Variants in ARHGAP32 observed in about 807,000 individuals in gnomAD.
ARHGAP32 encodes Rho GTPase activating protein 32, also known as rho GTPase-activating protein 32.
A neutral mutation model predicts 186.5 loss-of-function variants in ARHGAP32; 51 were observed. That is an observed-to-expected ratio of 0.27 (90% confidence interval 0.22 to 0.35). The LOEUF is 0.35. Among genes scored for constraint, ARHGAP32 ranks in the 10% least tolerant of loss-of-function variants. The pLI is 1.00. For synonymous variants in ARHGAP32, 950 were observed against 964.3 expected (o/e 0.99, Z 0.27); for missense variants, 2,186 against 2,623.5 (o/e 0.83, Z 3.64).
chr11:128,968,867 T>C lies in ARHGAP32; in HGVS notation c.*40A>G. The C allele has an allele frequency of 7.3e-7, 1 of 1,367,194 alleles. No individual in the cohort carries two copies. Among genetic ancestry groups the C allele is most frequent in the Non-Finnish European group, 9.5e-7 (1 of 1,049,602 alleles). The allele number at this position is 1,367,194 out of a possible 1,614,324, so 84.7% of individuals were successfully genotyped here. On this transcript the variant is annotated 3_prime_UTR_variant, in exon 23 of 23. Coordinates refer to ENST00000682385, the MANE Select transcript of ARHGAP32 (RefSeq NM_001378024.1). ...TATTGAAAAAAATAGAACAGTCCAC[T>C]GTCCAGCAGAGGCTGCTTCAACTCT...
chr11:128,972,460 G>T lies in ARHGAP32; in HGVS notation c.4046C>A (p.Ser1349Tyr). ...ATATCTTCCCCTTCTTACCTTGTGGGAATTATTTAATCCTATATTGGTTGC... is the reference window on the plus strand; with the variant it reads ...ATATCTTCCCCTTCTTACCTTGTGGTAATTATTTAATCCTATATTGGTTGC... ...QAATNIGLNN[S>Y]HKVQGVVPVP... is the part of the protein sequence containing the mutation. Residue 1349 changes from serine to tyrosine, a missense_variant, in exon 22 of 23, where the codon TCC becomes TAC. Around this residue, in one of 5 missense-constraint regions of ARHGAP32, gnomAD observed 1,502 missense variants for 1,570.0 expected, o/e 0.96. Transcript: ENST00000682385. The T allele has an allele frequency of 6.6e-7, 1 of 1,510,836 alleles. No individual in the cohort carries two copies. Among genetic ancestry groups the T allele is most frequent in the South Asian group, 1.4e-5 (1 of 73,374 alleles). The allele number at this position is 1,510,836 out of a possible 1,614,324, so 93.6% of individuals were successfully genotyped here. A position where few individuals can be genotyped will look rare whatever the true frequency, so the allele number is the denominator to read the frequency against.
chr11:129,151,875 G>C (rs1943295502), intron 2 of ARHGAP32, among the ~76,000 whole-genome samples: 1 of 151,970 alleles, frequency 6.6e-6, no homozygotes, highest in Non-Finnish European at 1.5e-5. Flanking sequence ...TATCAGAGCT[G>C]AACTAAATGA....
chr11:129,033,330 A>G (rs958319790), intron 11 of ARHGAP32, among the ~76,000 whole-genome samples: 3 of 152,212 alleles, frequency 2.0e-5, no homozygotes, highest in Non-Finnish European at 4.4e-5. Flanking sequence ...ACTTCAATAG[A>G]TAATGCCAAT....
At position 128,981,648 on chromosome 11, in the gene ARHGAP32, C is replaced by T. The variant is rs532943559; in HGVS notation, c.1635-87G>A. The T allele has an allele frequency of 2.1e-6, 3 of 1,416,130 alleles. No individual in the cohort carries two copies. In the African/African-American group the frequency reaches 4.3e-5, roughly 20 times the overall value. The allele number at this position is 1,416,130 out of a possible 1,614,324, so 87.7% of individuals were successfully genotyped here. ...TTTAAACGTGTAAATCTCAGACAAA[C>T]AGAGGAAGAAATCATACTTTTACTG... On this transcript the variant is annotated intron_variant, in intron 16 of 22. Transcript: ENST00000682385.
rs2136096033 is a variant in ARHGAP32 at position 128,978,869 on chromosome 11, G to A, written c.2023C>T (p.Arg675Cys). The A allele has an allele frequency of 3.7e-6, 6 of 1,612,190 alleles. No homozygotes were observed. Among genetic ancestry groups the A allele is most frequent in the East Asian group, 2.2e-5 (1 of 44,658 alleles). ...KMKKSPVGSWRSFFNLGKSSS... is the reference protein window; with the variant it reads ...KMKKSPVGSWCSFFNLGKSSS... The stretch of plus-strand genomic sequence containing the variant: ...GATTTCCCCAAGTTGAAAAAGGAAC[G>A]CCAGCTACCCACAGGAGACTTTTTC... Residue 675 changes from arginine to cysteine, a missense_variant, in exon 19 of 23, where the codon CGT (arginine) becomes TGT (cysteine). This residue lies in a region of ARHGAP32 where 263 missense variants were observed against 323.5 expected (regional missense o/e 0.81). Transcript: ENST00000682385.
chr11:129,163,260 C>G (rs1379207513), intron 2 of ARHGAP32, among the ~76,000 whole-genome samples: 1 of 152,102 alleles, frequency 6.6e-6, no homozygotes, highest in Non-Finnish European at 1.5e-5. Flanking sequence ...TGAATGTTTC[C>G]ATTTTATTTT....
chr11:129,194,790 T>C (rs1944369934), upstream of ARHGAP32, among the ~76,000 whole-genome samples: 2 of 152,184 alleles, frequency 1.3e-5, no homozygotes, highest in African/African-American at 4.8e-5. Context: ...TTTTTCACTA[T>C]GTCATGCACA....
At chr11:129,166,360 TAA>T (rs1943641419) in intron 1 of ARHGAP32, among the ~76,000 whole-genome samples, 1 of 152,058 alleles carries the variant, frequency 6.6e-6, no homozygotes, top group South Asian at 2.1e-4. Context: ...AAACAAATGC[TAA>T]AAGTTTTCAA....
intron 6 of ARHGAP32, among the ~76,000 whole-genome samples, chr11:129,092,775 T>G (rs10488729): frequency 0.2 from 29,676 of 151,850 alleles, 3,091 homozygotes; most frequent in Non-Finnish European, 0.23. Context: ...TTCAGGTACA[T>G]GATTAATACT....
chr11:128,993,649 C>T (rs988420811), intron 12 of ARHGAP32, among the ~76,000 whole-genome samples: 1 of 151,206 alleles, frequency 6.6e-6, no homozygotes, highest in African/African-American at 2.4e-5. Flanking sequence ...TATATACACA[C>T]ATATGATATA....
chr11:129,205,537 A>G (rs1266984869), intron 1 of ARHGAP32, among the ~76,000 whole-genome samples: 1 of 152,158 alleles, frequency 6.6e-6, no homozygotes, highest in Admixed American at 6.6e-5. Flanking sequence ...CTTATTACCT[A>G]TGTGAACTTG....
At chr11:129,246,296 C>T (rs1010071363) in intron 1 of ARHGAP32, among the ~76,000 whole-genome samples, 6 of 151,968 alleles carry the variant, frequency 3.9e-5, no homozygotes, top group East Asian at 1.9e-4. Context: ...GCAGAACTAA[C>T]GAAAGGTCAA....
chr11:128,976,458 T>G, intron 20 of ARHGAP32, 105 bp downstream of exon 20: 1 of 900,022 alleles, frequency 1.1e-6, no homozygotes. Flanking sequence ...AGGAAATGAG[T>G]TAATAGCCTA....
Position 128,973,308 on chromosome 11 carries a change from C to T in ARHGAP32, c.3198G>A (p.Gln1066=). The part of the protein sequence containing the change: ...MLALALAESA[Q]QASTQSLKRP... ...TCTTCAATGACTGAGTTGAGGCTTG[C>T]TGTGCGGACTCAGCTAATGCTAGCG... Residue 1066 remains glutamine, a synonymous_variant, in exon 22 of 23, where the codon CAG becomes CAA. Transcript: ENST00000682385. The T allele has an allele frequency of 6.2e-7, 1 of 1,614,182 alleles. No homozygotes were observed. Among genetic ancestry groups the T allele is most frequent in the South Asian group, 1.1e-5 (1 of 91,072 alleles).
chr11:129,186,667 G>GA (rs1460104552), intron 1 of ARHGAP32, among the ~76,000 whole-genome samples: 1 of 152,030 alleles, frequency 6.6e-6, no homozygotes, highest in East Asian at 1.9e-4. Flanking sequence ...AACTCTATAG[G>GA]AAAAAATGTA....
chr11:129,180,057 A>C (rs1027303397), intron 1 of ARHGAP32, among the ~76,000 whole-genome samples: 5 of 152,168 alleles, frequency 3.3e-5, no homozygotes, highest in African/African-American at 1.2e-4. Flanking sequence ...TAGCAAGATC[A>C]CTGGTTTACA....
rs541599632 is a variant in ARHGAP32 at position 129,228,512 on chromosome 11, G to A, written c.-5+50634C>T. 3.9e-5 allele frequency among the ~76,000 whole-genome samples: 6 copies of A among 152,182 alleles called. No individual in the cohort carries two copies. The South Asian group carries it at 1.2e-3, about 32-fold the overall frequency. ...ACCCATTTAAAAGATAACAAAATTG[G>A]AATACCATGTAGCCATAAAAAGGAA... On this transcript the variant is annotated intron_variant, in intron 1 of 6. Transcript: ENST00000525234.
upstream of ARHGAP32, among the ~76,000 whole-genome samples, chr11:129,279,612 C>A (rs1293763577): frequency 6.8e-6 from 1 of 146,040 alleles, no homozygotes; most frequent in South Asian, 2.1e-4. Context: ...GCACCCGCGA[C>A]GCCCGCAGCG....
intron 6 of ARHGAP32, among the ~76,000 whole-genome samples, chr11:129,093,205 C>T (rs1225609646): frequency 2.0e-5 from 3 of 152,006 alleles, no homozygotes; most frequent in Admixed American, 6.5e-5. Context: ...ATAGCTGAAT[C>T]ATTTAATGTA....
Sources: gnomAD v4.1 joint callset for allele counts (sites outside exome capture counted in the v4.1 genomes callset) on GRCh38, gnomAD v4.1.1 for gene constraint, gnomAD v4.1.1 regional missense constraint, MANE v1.5 for transcripts, NCBI Gene and HGNC (gene_info 2026-07-23, HGNC 2026-07-21) for gene names.